The following CCSER1 variants were observed in gnomAD, a reference collection of about 807,000 sequenced individuals.
CCSER1 encodes the protein coiled-coil serine rich protein 1, also known as serine-rich coiled-coil domain-containing protein 1.
A neutral mutation model predicts 82.0 loss-of-function variants in CCSER1; 41 were observed. The ratio of observed to expected loss-of-function variants is 0.50; its 90% CI spans 0.39 to 0.65. CCSER1 has a LOEUF of 0.65. Ranked by LOEUF, CCSER1 falls within the 30% of genes least tolerant of loss-of-function variation. CCSER1 has a pLI of 0.00. For synonymous variants in CCSER1, 414 were observed against 383.9 expected (o/e 1.08, Z -0.92); for missense variants, 1,119 against 1,064.2 (o/e 1.05, Z -0.72).
intron 10 of CCSER1, among the ~76,000 whole-genome samples, chr4:91,159,276 T>C (rs1295011674): frequency 6.6e-6 from 1 of 152,008 alleles, no homozygotes; most frequent in Non-Finnish European, 1.5e-5. Context: ...CCATTGTTAA[T>C]GCCTATATTA....
At chr4:90,885,380 G>A (rs181079987) in intron 8 of CCSER1, among the ~76,000 whole-genome samples, 1 of 152,264 alleles carries the variant, frequency 6.6e-6, no homozygotes, top group Admixed American at 6.5e-5. Flanking sequence ...TGAATTTATT[G>A]AAATGTACAA....
intron 1 of CCSER1, among the ~76,000 whole-genome samples, chr4:90,214,372 A>G (rs1485494283): frequency 2.0e-5 from 3 of 152,212 alleles, no homozygotes; most frequent in South Asian, 4.1e-4. Flanking sequence ...AGGAGAGTAA[A>G]GAATATGAAT....
rs1310425221 is a variant in CCSER1 at position 90,308,307 on chromosome 4, G to A, written c.23G>A (p.Arg8Gln). MGDSGSRRSTLVSRLPIF... is the reference protein window; with the variant it reads MGDSGSRQSTLVSRLPIF... ...CCAATGGGGGACTCAGGATCAAGAC[G>A]ATCTACCCTGGTCTCCCGGTTGCCA... The change falls in exon 2 of 11, where the codon CGA becomes CAA. Residue 8 changes from arginine to glutamine, a missense_variant. Transcript: ENST00000509176. 3.8e-6 allele frequency: 6 copies of A among 1,591,528 alleles called. No homozygotes were observed. The highest frequency in any genetic ancestry group is 2.3e-5 in the East Asian group (1 of 44,196).
At chr4:91,353,554 T>C (rs530781437) in intron 10 of CCSER1, among the ~76,000 whole-genome samples, 1 of 152,338 alleles carries the variant, frequency 6.6e-6, no homozygotes, top group African/African-American at 2.4e-5. Flanking sequence ...GTACTGAGTA[T>C]ACAACAATAT....
intron 10 of CCSER1, among the ~76,000 whole-genome samples, chr4:91,444,452 C>A (rs1008421412): frequency 4.7e-5 from 3 of 63,284 alleles, no homozygotes; most frequent in Non-Finnish European, 9.5e-5. Context: ...AGTGCCAATT[C>A]TTTTGCTTTT....
intron 10 of CCSER1, among the ~76,000 whole-genome samples, chr4:91,283,238 A>G (rs554405472): frequency 3.9e-5 from 6 of 152,204 alleles, no homozygotes; most frequent in Admixed American, 6.5e-5. Context: ...GTTCATTCTA[A>G]CTTTTATGCC....
chr4:90,297,808 G>A (rs573303117), intron 1 of CCSER1, among the ~76,000 whole-genome samples: 6 of 151,842 alleles, frequency 4.0e-5, no homozygotes, highest in East Asian at 1.9e-4. Context: ...ATTGATTTGC[G>A]TATATTGAAC....
At chr4:91,300,371 C>A (rs1326994040) in intron 10 of CCSER1, among the ~76,000 whole-genome samples, 2 of 151,748 alleles carry the variant, frequency 1.3e-5, no homozygotes, top group African/African-American at 4.8e-5. Context: ...GGCACCATTT[C>A]TTAGTGCCAA....
intron 10 of CCSER1, among the ~76,000 whole-genome samples, chr4:91,576,388 G>C (rs1039710312): frequency 6.6e-5 from 10 of 151,974 alleles, no homozygotes; most frequent in African/African-American, 2.2e-4. Context: ...ATGGTTACCA[G>C]GGACTTGCAT....
chr4:90,758,089 C>T (rs1913587), intron 7 of CCSER1, among the ~76,000 whole-genome samples: 283 of 152,148 alleles, frequency 1.9e-3, no homozygotes, highest in African/African-American at 6.6e-3. Flanking sequence ...TAGGCATGCG[C>T]CACCACACCT....
intron 10 of CCSER1, among the ~76,000 whole-genome samples, chr4:91,551,656 A>AACACACACAC (rs58159693): frequency 5.4e-4 from 75 of 139,518 alleles, no homozygotes; most frequent in Middle Eastern, 3.6e-3. Flanking sequence ...GCAAAAAACA[A>AACACACACAC]ACACACACAC....
chr4:91,546,473 A>G (rs925569488), intron 10 of CCSER1, among the ~76,000 whole-genome samples: 4 of 152,036 alleles, frequency 2.6e-5, no homozygotes, highest in African/African-American at 9.7e-5. Context: ...GGTTTGACAA[A>G]TTGTTTTTCA....
intron 10 of CCSER1, among the ~76,000 whole-genome samples, chr4:91,139,346 T>G (rs1249424734): frequency 6.6e-6 from 1 of 152,130 alleles, no homozygotes; most frequent in Admixed American, 6.6e-5. Flanking sequence ...ATACCACTTA[T>G]CGTCTATTTT....
chr4:90,507,035 T>C (rs1227955451), intron 5 of CCSER1, among the ~76,000 whole-genome samples: 1 of 152,204 alleles, frequency 6.6e-6, no homozygotes, highest in East Asian at 1.9e-4. Context: ...TACTATCTTT[T>C]ATTCAAAATT....
chr4:91,124,759 GA>G (rs1331818215), intron 10 of CCSER1, among the ~76,000 whole-genome samples: 1 of 151,798 alleles, frequency 6.6e-6, no homozygotes, highest in African/African-American at 2.4e-5. Context: ...AAGGATGAAT[GA>G]ATAAATCAAC....
chr4:90,375,268 C>T (rs72883324), intron 3 of CCSER1, among the ~76,000 whole-genome samples: 2,988 of 152,252 alleles, frequency 0.02, 72 homozygotes, highest in African/African-American at 0.061. Flanking sequence ...CCAAAATGGG[C>T]GGTACATCGG....
chr4:91,116,473 T>A (rs1256421871), intron 10 of CCSER1, among the ~76,000 whole-genome samples: 1 of 152,200 alleles, frequency 6.6e-6, no homozygotes, highest in Non-Finnish European at 1.5e-5. Context: ...GCTCTTGTAA[T>A]AACAACAGCA....
At chr4:91,214,914 A>C (rs770598907) in intron 10 of CCSER1, among the ~76,000 whole-genome samples, 1 of 152,104 alleles carries the variant, frequency 6.6e-6, no homozygotes, top group Non-Finnish European at 1.5e-5. Context: ...TATGTATAAT[A>C]TGATGGAAAT....
At chr4:91,531,623 T>G (rs1008691806) in intron 10 of CCSER1, among the ~76,000 whole-genome samples, 7 of 152,178 alleles carry the variant, frequency 4.6e-5, no homozygotes, top group African/African-American at 1.7e-4. Flanking sequence ...GACTGGGTAA[T>G]TTAAAAGCAG....
Sources: allele counts gnomAD v4.1 joint callset (sites outside exome capture counted in the v4.1 genomes callset), GRCh38; gene constraint gnomAD v4.1.1; transcripts MANE v1.5; gene names NCBI Gene and HGNC (gene_info 2026-07-23, HGNC 2026-07-21).